The following AK5 variants were observed in gnomAD, a reference collection of about 807,000 sequenced individuals.
AK5 encodes adenylate kinase isoenzyme 5.
In AK5, 27 loss-of-function variants were observed where a neutral mutation model predicts 69.5. The observed-to-expected ratio is 0.39, with a 90% confidence interval of 0.29 to 0.54. AK5 has a LOEUF of 0.54. Ranked by LOEUF, AK5 falls within the 20% of genes least tolerant of loss-of-function variation. The probability of loss-of-function intolerance (pLI) is 0.71; values close to 1 mark genes in which losing one functional copy is unlikely to be tolerated. For synonymous variants in AK5, 260 were observed against 244.4 expected, an observed-to-expected ratio of 1.06 and a Z score of -0.60; for missense variants, 531 against 700.4, an observed-to-expected ratio of 0.76 and a Z score of 2.73.
intron 5 of AK5, among the ~76,000 whole-genome samples, chr1:77,327,106 G>A (rs964634991): frequency 6.6e-6 from 1 of 152,150 alleles, no homozygotes; most frequent in Middle Eastern, 3.2e-3. Flanking sequence ...GCTAAATGGG[G>A]CAGGGTGCAA....
intron 6 of AK5, among the ~76,000 whole-genome samples, chr1:77,399,547 G>C (rs1035246638): frequency 2.6e-5 from 4 of 152,186 alleles, no homozygotes; most frequent in Admixed American, 6.5e-5. Flanking sequence ...CTGTGAGGGA[G>C]GGGCAGCTAA....
At chr1:77,524,211 T>G (rs944765239) in intron 12 of AK5, among the ~76,000 whole-genome samples, 1 of 152,248 alleles carries the variant, frequency 6.6e-6, no homozygotes, top group African/African-American at 2.4e-5. Flanking sequence ...TGCTTTCACT[T>G]TCTGGCTATT....
chr1:77,499,118 C>G (rs1434673969), intron 10 of AK5, among the ~76,000 whole-genome samples: 2 of 152,176 alleles, frequency 1.3e-5, no homozygotes, highest in African/African-American at 4.8e-5. Flanking sequence ...GAGTAACAAG[C>G]CAGTGATTAA....
At chr1:77,548,400 C>T (rs1204062019) in intron 13 of AK5, among the ~76,000 whole-genome samples, 1 of 152,142 alleles carries the variant, frequency 6.6e-6, no homozygotes, top group East Asian at 1.9e-4. Context: ...AGATCATGCC[C>T]AGGTTCTGCA....
intron 8 of AK5, among the ~76,000 whole-genome samples, chr1:77,451,808 T>C (rs1653176858): frequency 2.0e-5 from 3 of 152,188 alleles, no homozygotes; most frequent in Admixed American, 2.0e-4. Context: ...CTGGTGCCTG[T>C]CCAGAGAAAT....
intron 8 of AK5, among the ~76,000 whole-genome samples, chr1:77,476,997 C>A (rs770934112): frequency 3.3e-4 from 35 of 106,608 alleles, no homozygotes; most frequent in Non-Finnish European, 5.7e-4. Context: ...TTTGATTGTT[C>A]TTTTTAGTGT....
intron 6 of AK5, among the ~76,000 whole-genome samples, chr1:77,371,030 T>C (rs1647111924): frequency 6.6e-6 from 1 of 152,238 alleles, no homozygotes; most frequent in African/African-American, 2.4e-5. Flanking sequence ...CACATTTCAT[T>C]ACCTATGACT....
At chr1:77,430,294 A>C (rs1162693447) in intron 8 of AK5, among the ~76,000 whole-genome samples, 3 of 152,176 alleles carry the variant, frequency 2.0e-5, no homozygotes, top group African/African-American at 7.2e-5. Context: ...TTCATGTTGG[A>C]ATGGATATGG....
At chr1:77,467,606 A>G (rs538187958) in intron 8 of AK5, among the ~76,000 whole-genome samples, 31 of 152,326 alleles carry the variant, frequency 2.0e-4, no homozygotes, top group African/African-American at 7.5e-4. Context: ...TGTCAAATCC[A>G]TGGCATAATC....
chr1:77,515,596 T>C (rs1657590449), intron 10 of AK5, among the ~76,000 whole-genome samples: 1 of 151,912 alleles, frequency 6.6e-6, no homozygotes, highest in Admixed American at 6.6e-5. Flanking sequence ...CGGCGACCAG[T>C]GAGGGAGCTG....
intron 6 of AK5, among the ~76,000 whole-genome samples, chr1:77,364,342 G>A (rs1646914846): frequency 6.6e-6 from 1 of 152,144 alleles, no homozygotes; most frequent in Admixed American, 6.5e-5. Flanking sequence ...TGGGTTTTCT[G>A]TCATTTCAAA....
chr1:77,337,059 A>G (rs1361301678), intron 5 of AK5, among the ~76,000 whole-genome samples: 1 of 152,192 alleles, frequency 6.6e-6, no homozygotes. Flanking sequence ...CAAAAATCTT[A>G]TGTATTCCAC....
Position 77,379,564 on chromosome 1 carries a change from A to T in AK5, c.892-31417A>T, listed in dbSNP as rs578117686. Among the ~76,000 whole-genome samples the T allele has an allele frequency of 2.6e-5, 4 of 152,284 alleles. No individual in the cohort carries two copies. The South Asian group carries it at 8.3e-4, about 32-fold the overall frequency. Reference sequence around the variant, plus strand: ...CAGTATGATCCCCTGATACTGCAGGAAACGTAAGGGTGAAGGAGCATGTTC... The same window carrying T: ...CAGTATGATCCCCTGATACTGCAGGTAACGTAAGGGTGAAGGAGCATGTTC... On this transcript the variant is annotated intron_variant, in intron 6 of 13. Coordinates refer to ENST00000354567, the MANE Select transcript of AK5 (RefSeq NM_174858.3).
intron 10 of AK5, among the ~76,000 whole-genome samples, chr1:77,503,142 A>G (rs1240448366): frequency 1.3e-5 from 2 of 152,178 alleles, no homozygotes; most frequent in African/African-American, 4.8e-5. Flanking sequence ...AAAATCACCT[A>G]TCAGGTTTTT....
intron 8 of AK5, among the ~76,000 whole-genome samples, chr1:77,436,305 T>C (rs532486910): frequency 6.6e-6 from 1 of 152,116 alleles, no homozygotes; most frequent in Admixed American, 6.5e-5. Context: ...AAAACACATT[T>C]TACATTTATT....
At chr1:77,542,874 T>A (rs1659350109) in intron 13 of AK5, among the ~76,000 whole-genome samples, 1 of 152,098 alleles carries the variant, frequency 6.6e-6, no homozygotes, top group Non-Finnish European at 1.5e-5. Flanking sequence ...GGTAACAGAT[T>A]ATTTCTGTCC....
At chr1:77,283,329 T>C (rs1658169366) in intron 1 of AK5, 2 of 985,242 alleles carry the variant, frequency 2.0e-6, no homozygotes, top group African/African-American at 3.5e-5. Flanking sequence ...CAAGCCAGGC[T>C]TCCTAAGCGA....
chr1:77,558,887 A>C lies in AK5; in HGVS notation c.*217A>C. The C allele has an allele frequency of 2.0e-6, 1 of 506,984 alleles. No individual in the cohort carries two copies. Among genetic ancestry groups the C allele is most frequent in the East Asian group, 3.4e-5 (1 of 29,638 alleles). The allele number at this position is 506,984 out of a possible 1,614,324, so 31.4% of individuals were successfully genotyped here. On this transcript the variant is annotated 3_prime_UTR_variant, in exon 14 of 14. Transcript: ENST00000354567. ...GGGACTATATCAACCTATTCTCCAC[A>C]CTTCAGACAACTGTCTGCACTCACG...
intron 6 of AK5, among the ~76,000 whole-genome samples, chr1:77,370,753 C>G (rs1647105534): frequency 6.6e-6 from 1 of 152,116 alleles, no homozygotes; most frequent in South Asian, 2.1e-4. Flanking sequence ...ACTCCAACCC[C>G]AGCCCAGTCC....
Sources: allele counts gnomAD v4.1 joint callset (sites outside exome capture counted in the v4.1 genomes callset), GRCh38; gene constraint gnomAD v4.1.1; transcripts MANE v1.5; gene names NCBI Gene and HGNC (gene_info 2026-07-23, HGNC 2026-07-21).